The following CCDC144A variants were observed in gnomAD, a reference collection of about 807,000 sequenced individuals.
The protein encoded by CCDC144A is coiled-coil domain containing 144A.
In CCDC144A, 41 loss-of-function variants were observed where a neutral mutation model predicts 143.8. That is an observed-to-expected ratio of 0.29 (90% CI 0.22 to 0.37). The LOEUF (loss-of-function observed/expected upper bound fraction) is 0.37, where lower values mean the gene tolerates loss of function less well. Ranked by LOEUF, CCDC144A falls within the 10% of genes least tolerant of loss-of-function variation. CCDC144A has a pLI of 1.00. For missense variants in CCDC144A, 637 were observed against 1,488.8 expected, an observed-to-expected ratio of 0.43 and a Z score of 9.41; for synonymous variants, 242 against 517.9, an observed-to-expected ratio of 0.47 and a Z score of 7.23.
At chr17:16,693,606 C>T (rs1195583725) in intron 2 of CCDC144A, among the ~76,000 whole-genome samples, 4 of 152,164 alleles carry the variant, frequency 2.6e-5, no homozygotes, top group Non-Finnish European at 4.4e-5. Flanking sequence ...TGAGCCACCG[C>T]GCCCGGCCAA....
the CCDC144A span, chr17:16,683,783 A>ATGAAGCCGAGCGTGAAGCCGAGCG: frequency 4.1e-6 from 6 of 1,471,518 alleles, no homozygotes; most frequent in East Asian, 2.3e-5. Flanking sequence ...ATGCAAGCAC[A>ATGAAGCCGAGCGTGAAGCCGAGCG]TGAAGCCGAG....
At chr17:16,751,712 G>A (rs1378604148) in intron 12 of CCDC144A, among the ~76,000 whole-genome samples, 2 of 152,276 alleles carry the variant, frequency 1.3e-5, no homozygotes, top group Non-Finnish European at 2.9e-5. Context: ...AGGTTGTAGA[G>A]TATGTCTGCG....
chr17:16,752,305 C>T (rs530849942), intron 12 of CCDC144A, among the ~76,000 whole-genome samples: 17 of 152,274 alleles, frequency 1.1e-4, no homozygotes, highest in South Asian at 1.0e-3. Flanking sequence ...ACAGTTCCAT[C>T]GCGAAACCAT....
rs982664524 is a variant in CCDC144A at position 16,750,329 on chromosome 17, T to G, written c.3373-11096T>G. ...AGTGTTTGTCTGGAAAAGATTGTAT[T>G]TCTCTGTCACTGATGAGGCTTAGAT... On this transcript the variant is annotated intron_variant, in intron 12 of 16. Transcript: ENST00000399273. Among the ~76,000 whole-genome samples, 278 of 151,416 alleles carry G rather than the reference T, an allele frequency of 1.8e-3. 2 individuals are homozygous for G. Among genetic ancestry groups the G allele is most frequent in the Non-Finnish European group, 1.2e-3 (81 of 67,996 alleles).
At chr17:16,723,118 A>G (rs1268212924) in intron 8 of CCDC144A, among the ~76,000 whole-genome samples, 1 of 151,976 alleles carries the variant, frequency 6.6e-6, no homozygotes, top group Admixed American at 6.6e-5. Context: ...ATTCACCAGC[A>G]TAGCTATCTG....
intron 9 of CCDC144A, among the ~76,000 whole-genome samples, chr17:16,729,321 TG>T (rs1205258048): frequency 6.6e-6 from 1 of 152,232 alleles, no homozygotes; most frequent in African/African-American, 2.4e-5. Context: ...TGTTTTAGTT[TG>T]TATTTCCGTG....
At chr17:16,696,603 C>T (rs959594220) in intron 2 of CCDC144A, among the ~76,000 whole-genome samples, 17 of 145,422 alleles carry the variant, frequency 1.2e-4, no homozygotes, top group Admixed American at 2.1e-4. Flanking sequence ...CACTGCACTC[C>T]GGCCTGGGTG....
chr17:16,701,686 C>T (rs953154267), intron 2 of CCDC144A, among the ~76,000 whole-genome samples: 8 of 150,914 alleles, frequency 5.3e-5, no homozygotes, highest in Non-Finnish European at 1.0e-4. Context: ...TTTGTCCTTG[C>T]GTTTGTTTTC....
intron 2 of CCDC144A, among the ~76,000 whole-genome samples, chr17:16,696,638 A>C (rs1911428148): frequency 6.6e-6 from 1 of 151,206 alleles, no homozygotes; most frequent in Admixed American, 6.6e-5. Flanking sequence ...TGTCTCAAAA[A>C]AAAAAAAAAA....
rs562771471 is a variant in CCDC144A, at chr17:16,690,540, C to G, written c.140C>G (p.Ser47Trp). ...GGCTACCCGGGGGACCAGTGGTCCT[C>G]GGGCTTCCCCTACAGCTGGTGGAAA... ...YLGYPGDQWS[S>W]GFPYSWWKNS... Residue 47 changes from serine (S) to tryptophan (W), a missense_variant, in exon 1 of 17, where the codon TCG becomes TGG. By Grantham distance (177) the Ser-to-Trp change is radical. Transcript: ENST00000399273. 2.5e-6 allele frequency: 4 copies of G among 1,613,496 alleles called. No homozygotes were observed. The highest frequency in any genetic ancestry group is 3.4e-6 in the Non-Finnish European group (4 of 1,179,732).
upstream of CCDC144A, among the ~76,000 whole-genome samples, chr17:16,688,052 ATGAC>A (rs1210198824): frequency 1.3e-5 from 2 of 151,628 alleles, no homozygotes; most frequent in African/African-American, 4.9e-5. Flanking sequence ...TGTATGATAA[ATGAC>A]TGTAATATTT....
chr17:16,701,396 G>A (rs1319105609), intron 2 of CCDC144A, among the ~76,000 whole-genome samples: 1 of 148,854 alleles, frequency 6.7e-6, no homozygotes, highest in Non-Finnish European at 1.5e-5. Context: ...CACTCTTGGT[G>A]TTGTACATTC....
rs1911577960 is a variant in CCDC144A, at chr17:16,699,181, T to A, written c.416-5970T>A. Among the ~76,000 whole-genome samples the A allele has an allele frequency of 2.0e-5, 3 of 151,342 alleles. No individual in the cohort carries two copies. The South Asian group carries it at 6.3e-4, about 32-fold the overall frequency. On this transcript the variant is annotated intron_variant, in intron 2 of 16. Coordinates refer to ENST00000399273, the MANE Select transcript of CCDC144A (RefSeq NM_001382000.1). ...ACAAATTGTTTTATCTGACATAGTT[T>A]AAATGTGAAGTGCTTTTCTGGTATT...
intron 12 of CCDC144A, among the ~76,000 whole-genome samples, chr17:16,754,471 G>C (rs2649358): frequency 6.6e-6 from 1 of 152,200 alleles, no homozygotes. Context: ...TCATTTGTTT[G>C]AAGATATTTT....
intron 12 of CCDC144A, among the ~76,000 whole-genome samples, chr17:16,743,667 T>C (rs1914359665): frequency 1.3e-5 from 2 of 152,208 alleles, no homozygotes; most frequent in African/African-American, 2.4e-5. Flanking sequence ...AAAGGGCATT[T>C]TATTTTTATC....
At chr17:16,715,201 A>G (rs891079715) in intron 6 of CCDC144A, among the ~76,000 whole-genome samples, 8 of 151,186 alleles carry the variant, frequency 5.3e-5, no homozygotes, top group African/African-American at 1.7e-4. Context: ...TTGTGTGCCT[A>G]GAAAAGGGCC....
intron 12 of CCDC144A, chr17:16,745,964 G>T (rs1914483726): frequency 1.2e-6 from 2 of 1,607,470 alleles, no homozygotes; most frequent in Non-Finnish European, 1.7e-6. Context: ...TGTGCCTCCT[G>T]CCGTCATCCA....
intron 12 of CCDC144A, among the ~76,000 whole-genome samples, chr17:16,759,181 T>C (rs1915241099): frequency 6.6e-6 from 1 of 152,244 alleles, no homozygotes. Flanking sequence ...TATGTCTGGA[T>C]GGCATTTGCA....
At chr17:16,741,229 G>A (rs188095128) in intron 12 of CCDC144A, among the ~76,000 whole-genome samples, 9 of 152,312 alleles carry the variant, frequency 5.9e-5, no homozygotes, top group Admixed American at 5.9e-4. Flanking sequence ...CCAATCTGTG[G>A]CTTGGGAAAA....
Sources: gnomAD v4.1 joint callset for allele counts (sites outside exome capture counted in the v4.1 genomes callset) on GRCh38, gnomAD v4.1.1 for gene constraint, MANE v1.5 for transcripts, NCBI Gene and HGNC (gene_info 2026-07-23, HGNC 2026-07-21) for gene names.